LRRC8D: variants seen among roughly 807,000 people sequenced by gnomAD.
LRRC8D encodes leucine rich repeat containing 8 VRAC subunit D.
In LRRC8D, 20 loss-of-function variants were observed where a neutral mutation model predicts 55.8. That is an observed-to-expected ratio of 0.36 (90% CI 0.25 to 0.52). The LOEUF is 0.52. Among genes scored for constraint, LRRC8D ranks in the 20% least tolerant of loss-of-function variants. LRRC8D has a pLI of 0.93. For missense variants in LRRC8D, 651 were observed against 1,030.8 expected (o/e 0.63, Z 5.05); for synonymous variants, 352 against 377.0 (o/e 0.93, Z 0.77).
Position 89,935,882 on chromosome 1 carries a change from T to A in LRRC8D, c.*237T>A. 7.6e-6 allele frequency: 3 copies of A among 395,096 alleles called. No homozygotes were observed. Among genetic ancestry groups the A allele is most frequent in the South Asian group, 1.2e-4 (2 of 17,218 alleles). The allele number at this position is 395,096 out of a possible 1,614,324, so 24.5% of individuals were successfully genotyped here. On this transcript the variant is annotated 3_prime_UTR_variant, in exon 3 of 3. Coordinates refer to ENST00000337338, the MANE Select transcript of LRRC8D (RefSeq NM_001134479.2). ...TCTTTTGGGGAAAGGGAAGGAAAAA[T>A]TATAATCACTAATCTTGGTTCTTTT...
At chr1:89,831,552 A>G (rs1404670986) in intron 1 of LRRC8D, among the ~76,000 whole-genome samples, 1 of 152,198 alleles carries the variant, frequency 6.6e-6, no homozygotes, top group East Asian at 1.9e-4. Flanking sequence ...AGATTTGTTC[A>G]TATCTTAAAA....
rs533549609 is a variant in LRRC8D, at chr1:89,861,879, T to C, written c.-3+18097T>C. Among the ~76,000 whole-genome samples the C allele has an allele frequency of 6.0e-4, 91 of 152,338 alleles. 1 individual carries two copies. In the South Asian group the frequency reaches 0.019, roughly 31 times the overall value. On this transcript the variant is annotated intron_variant, in intron 2 of 2. Transcript: ENST00000337338. ...GCTTCTAATTACAAATAATTGTATT[T>C]GACAGAGAAGAAGAATATCAGATCC...
intron 2 of LRRC8D, among the ~76,000 whole-genome samples, chr1:89,865,095 C>T (rs891389617): frequency 6.6e-6 from 1 of 152,046 alleles, no homozygotes; most frequent in African/African-American, 2.4e-5. Context: ...AGATTTCAAG[C>T]CCCATAAGGG....
At chr1:89,837,089 C>CAA (rs1297431848) in intron 1 of LRRC8D, among the ~76,000 whole-genome samples, 1 of 152,180 alleles carries the variant, frequency 6.6e-6, no homozygotes, top group Non-Finnish European at 1.5e-5. Context: ...TTACCAAGAT[C>CAA]AAAGTACATG....
At chr1:89,904,352 T>G (rs192798636) in intron 2 of LRRC8D, among the ~76,000 whole-genome samples, 1 of 152,340 alleles carries the variant, frequency 6.6e-6, no homozygotes, top group Non-Finnish European at 1.5e-5. Context: ...ATCCTGTAGT[T>G]TAACAGATGT....
At chr1:89,901,868 A>C (rs909870077) in intron 2 of LRRC8D, among the ~76,000 whole-genome samples, 5 of 152,224 alleles carry the variant, frequency 3.3e-5, no homozygotes, top group Non-Finnish European at 2.9e-5. Flanking sequence ...GTGCCTCTGA[A>C]GGCTTCGTCT....
At chr1:89,904,217 T>C (rs764161899) in intron 2 of LRRC8D, among the ~76,000 whole-genome samples, 1 of 152,196 alleles carries the variant, frequency 6.6e-6, no homozygotes, top group Non-Finnish European at 1.5e-5. Flanking sequence ...ATTTCCCCCT[T>C]AGTTTGGCTC....
intron 2 of LRRC8D, among the ~76,000 whole-genome samples, chr1:89,890,700 G>A (rs962644208): frequency 1.3e-5 from 2 of 152,070 alleles, no homozygotes; most frequent in Non-Finnish European, 2.9e-5. Flanking sequence ...CTTACATACC[G>A]TAGAACAATT....
chr1:89,879,091 G>GT (rs1662218174), intron 2 of LRRC8D, among the ~76,000 whole-genome samples: 1 of 151,928 alleles, frequency 6.6e-6, no homozygotes, highest in Non-Finnish European at 1.5e-5. Context: ...CCCCTGCTCT[G>GT]TATCTCCCTG....
At chr1:89,839,069 C>G (rs188741519) in intron 1 of LRRC8D, among the ~76,000 whole-genome samples, 1 of 152,250 alleles carries the variant, frequency 6.6e-6, no homozygotes. Flanking sequence ...AGCCAAAATG[C>G]ACCCACTCAT....
chr1:89,934,913 G>C lies in LRRC8D; in HGVS notation c.1845G>C (p.Lys615Asn). Residue 615 changes from lysine to asparagine, a missense_variant, in exon 3 of 3, where the codon AAG (lysine) becomes AAC (asparagine). Physicochemically the swap from Lys to Asn is moderately conservative, Grantham distance 94 (BLOSUM62 0). Transcript: ENST00000337338. This position sits in a 1 kb window ranked among gnomAD's most constrained non-coding sequence, Gnocchi z 5.9. Reference sequence around the variant, plus strand: ...CAGATGTGGCTCCACATCTTACAAAGTTAGTCATTCATAATGACGGCACTA... The same window carrying C: ...CAGATGTGGCTCCACATCTTACAAACTTAGTCATTCATAATGACGGCACTA... ...NITDVAPHLT[K>N]LVIHNDGTKL... The C allele has an allele frequency of 4.3e-6, 7 of 1,614,092 alleles. No individual in the cohort carries two copies. Among genetic ancestry groups the C allele is most frequent in the Non-Finnish European group, 5.9e-6 (7 of 1,180,022 alleles).
intron 1 of LRRC8D, among the ~76,000 whole-genome samples, chr1:89,823,114 G>A (rs1458073433): frequency 6.6e-6 from 1 of 152,110 alleles, no homozygotes; most frequent in Non-Finnish European, 1.5e-5. Flanking sequence ...GATTTGTCTC[G>A]TTTTTATTGA....
chr1:89,843,576 T>C, intron 1 of LRRC8D, 62 bp from the exon 2 acceptor site: 2 of 696,936 alleles, frequency 2.9e-6, no homozygotes, highest in Non-Finnish European at 5.2e-6. Flanking sequence ...CTGCACTCCT[T>C]CCTCCCCGCT....
chr1:89,831,717 G>C (rs1396213363), intron 1 of LRRC8D, among the ~76,000 whole-genome samples: 2 of 152,114 alleles, frequency 1.3e-5, no homozygotes, highest in East Asian at 3.8e-4. Context: ...CTACAAAAGG[G>C]GAATTGGAAT....
intron 2 of LRRC8D, among the ~76,000 whole-genome samples, chr1:89,864,796 C>G (rs748843518): frequency 6.6e-6 from 1 of 152,160 alleles, no homozygotes; most frequent in Non-Finnish European, 1.5e-5. Flanking sequence ...GCTTTACCTA[C>G]CCCCGACCCC....
rs915764570 is a variant in LRRC8D at position 89,935,857 on chromosome 1, T to TTG, written c.*212_*213insTG. 3 of 434,040 alleles carry TTG rather than the reference T, an allele frequency of 6.9e-6. No homozygotes were observed. The highest frequency in any genetic ancestry group is 8.2e-5 in the Admixed American group (2 of 24,462). 26.9% of individuals were successfully genotyped at this position (434,040 alleles called of 1,614,324 possible). Reference sequence around the variant, plus strand: ...TTCATTTCCAAATCATTTTTTTTTTTCTTTTGGGGAAAGGGAAGGAAAAAT... The same window carrying TTG: ...TTCATTTCCAAATCATTTTTTTTTTTTGCTTTTGGGGAAAGGGAAGGAAAAAT... On this transcript the variant is annotated 3_prime_UTR_variant, in exon 3 of 3. Coordinates refer to ENST00000337338, the MANE Select transcript of LRRC8D (RefSeq NM_001134479.2).
chr1:89,835,726 A>G (rs1011425749), intron 1 of LRRC8D, among the ~76,000 whole-genome samples: 2 of 152,050 alleles, frequency 1.3e-5, no homozygotes, highest in South Asian at 2.1e-4. Context: ...TTTACCTCCT[A>G]GGGTTAGTTG....
intron 2 of LRRC8D, among the ~76,000 whole-genome samples, chr1:89,884,673 C>A (rs1040223184): frequency 9.9e-5 from 15 of 152,194 alleles, no homozygotes; most frequent in Non-Finnish European, 1.6e-4. Flanking sequence ...TCAAAGATCC[C>A]AGCTTTCTCA....
chr1:89,931,072 T>C (rs911236887), intron 2 of LRRC8D, among the ~76,000 whole-genome samples: 18 of 148,622 alleles, frequency 1.2e-4, no homozygotes, highest in Admixed American at 6.7e-5. Flanking sequence ...CCCTGAAGTC[T>C]GGGAATGTGA....
Sources: gnomAD v4.1 joint callset for allele counts (sites outside exome capture counted in the v4.1 genomes callset) on GRCh38, gnomAD v4.1.1 for gene constraint, Gnocchi (gnomAD v3.1) non-coding constraint, MANE v1.5 for transcripts, NCBI Gene and HGNC (gene_info 2026-07-23, HGNC 2026-07-21) for gene names.